Variants in MAGI2 observed in about 807,000 individuals in gnomAD.
MAGI2 encodes the protein membrane-associated guanylate kinase, WW and PDZ domain-containing protein 2.
A neutral mutation model predicts 133.3 loss-of-function variants in MAGI2; 35 were observed. That is an observed-to-expected ratio of 0.26 (90% CI 0.20 to 0.35). The LOEUF is 0.35. Among genes scored for constraint, MAGI2 ranks in the 10% least tolerant of loss-of-function variants. The pLI, the probability that MAGI2 is intolerant of heterozygous loss-of-function variation, is 1.00. For missense variants in MAGI2, 1,636 were observed against 1,863.4 expected, an observed-to-expected ratio of 0.88 and a Z score of 2.25; for synonymous variants, 729 against 710.6, an observed-to-expected ratio of 1.03 and a Z score of -0.41.
intron 9 of MAGI2, among the ~76,000 whole-genome samples, chr7:78,324,940 T>A (rs1377151680): frequency 2.0e-5 from 3 of 152,128 alleles, no homozygotes; most frequent in Admixed American, 6.6e-5. Context: ...TACTCCAGCC[T>A]GGGCGACAAG....
intron 9 of MAGI2, among the ~76,000 whole-genome samples, chr7:78,289,326 C>T (rs1796461057): frequency 6.6e-6 from 1 of 152,036 alleles, no homozygotes; most frequent in Non-Finnish European, 1.5e-5. Context: ...GCTTCAGTAG[C>T]TGATTCAGTC....
intron 21 of MAGI2, among the ~76,000 whole-genome samples, chr7:78,043,188 G>A (rs1294240377): frequency 6.6e-6 from 1 of 152,172 alleles, no homozygotes; most frequent in Non-Finnish European, 1.5e-5. Flanking sequence ...TATAGAGTGG[G>A]ATATTACTTT....
At chr7:78,778,358 G>A in intron 2 of MAGI2, among the ~76,000 whole-genome samples, 1 of 152,024 alleles carries the variant, frequency 6.6e-6, no homozygotes, top group East Asian at 1.9e-4. Context: ...AGTCCTTCCT[G>A]CTTTTGATTC....
At chr7:78,733,899 T>C (rs1041409461) in intron 2 of MAGI2, among the ~76,000 whole-genome samples, 25 of 152,192 alleles carry the variant, frequency 1.6e-4, no homozygotes, top group Non-Finnish European at 3.2e-4. Context: ...GCCCCAACTG[T>C]AATGGTCACA....
At chr7:78,667,546 C>T (rs1021156157) in intron 2 of MAGI2, among the ~76,000 whole-genome samples, 1 of 148,188 alleles carries the variant, frequency 6.7e-6, no homozygotes, top group African/African-American at 2.5e-5. Flanking sequence ...CCGCCTCCCC[C>T]CACCCCACAA....
At chr7:78,829,440 C>T (rs983185800) in intron 2 of MAGI2, among the ~76,000 whole-genome samples, 1 of 151,762 alleles carries the variant, frequency 6.6e-6, no homozygotes, top group Admixed American at 6.6e-5. Context: ...TTTCATGGCT[C>T]AATTAAAGAG....
chr7:78,083,387 GGAGAGAGAGAGAGAGAGA>G (rs747230358), intron 20 of MAGI2, among the ~76,000 whole-genome samples: 3 of 33,298 alleles, frequency 9.0e-5, no homozygotes, highest in African/African-American at 1.3e-4. Context: ...AGGGAGGGGG[GGAGAGAGAGAGAGAGAGA>G]GAGAGAGAGA....
intron 1 of MAGI2, among the ~76,000 whole-genome samples, chr7:79,047,178 C>A (rs1812248978): frequency 6.6e-6 from 1 of 152,132 alleles, no homozygotes; most frequent in East Asian, 1.9e-4. Flanking sequence ...TATTAGCCAG[C>A]AAGATGTGTT....
At chr7:78,583,269 C>T (rs1335536788) in intron 3 of MAGI2, among the ~76,000 whole-genome samples, 6 of 151,964 alleles carry the variant, frequency 3.9e-5, no homozygotes, top group Non-Finnish European at 7.4e-5. Flanking sequence ...GAGGCCGAGG[C>T]GGGCGGATCA....
At position 78,638,695 on chromosome 7, in the gene MAGI2, A is replaced by C. The variant is rs188204331; in HGVS notation, c.419-11456T>G. ...CAATAAAGTAGGGCAACCAACCATA[A>C]TTCCAAGATTCTTGACTTGACTATT... On this transcript the variant is annotated intron_variant, in intron 2 of 21. Coordinates refer to ENST00000354212, the MANE Select transcript of MAGI2 (RefSeq NM_012301.4). 3.9e-5 allele frequency among the ~76,000 whole-genome samples: 6 copies of C among 152,222 alleles called. No individual in the cohort carries two copies. In the East Asian group the frequency reaches 1.2e-3, roughly 29 times the overall value.
chr7:78,808,492 G>A (rs1237458938), intron 2 of MAGI2, among the ~76,000 whole-genome samples: 2 of 152,154 alleles, frequency 1.3e-5, no homozygotes, highest in Non-Finnish European at 2.9e-5. Flanking sequence ...TCTTGACCTC[G>A]TGATCCGCCC....
At chr7:78,373,489 T>C (rs1467923488) in intron 6 of MAGI2, among the ~76,000 whole-genome samples, 1 of 152,132 alleles carries the variant, frequency 6.6e-6, no homozygotes, top group African/African-American at 2.4e-5. Context: ...TTTTTGTAAT[T>C]TTTTAGAAGT....
rs367953155 is a variant in MAGI2, at chr7:79,324,661, A to ATG, written c.301+128358_301+128359insCA. Among the ~76,000 whole-genome samples the ATG allele has an allele frequency of 1.9e-3, 19 of 9,912 alleles. 3 individuals are homozygous for ATG. Among genetic ancestry groups the ATG allele is most frequent in the East Asian group, 0.012 (3 of 242 alleles). 6.5% of individuals were successfully genotyped at this position (9,912 alleles called of 152,430 possible). A position where few individuals can be genotyped will look rare whatever the true frequency, so the allele number is the denominator to read the frequency against. ...TATATAAAATATATATATATTATAT[A>ATG]TATATAAAATATATATATATTATAT... On this transcript the variant is annotated intron_variant, in intron 1 of 21. Coordinates refer to ENST00000354212, the MANE Select transcript of MAGI2 (RefSeq NM_012301.4).
At chr7:78,155,970 C>T (rs557999340) in intron 16 of MAGI2, among the ~76,000 whole-genome samples, 5 of 152,280 alleles carry the variant, frequency 3.3e-5, no homozygotes, top group South Asian at 4.1e-4. Context: ...AAGCTATGGA[C>T]GTATCTCCAT....
At chr7:79,186,389 T>C (rs547543728) in intron 1 of MAGI2, among the ~76,000 whole-genome samples, 9 of 149,584 alleles carry the variant, frequency 6.0e-5, no homozygotes, top group African/African-American at 2.2e-4. Context: ...TGTTTTTACT[T>C]GAAAGAAAAT....
chr7:78,470,445 A>G (rs938852696), intron 6 of MAGI2, among the ~76,000 whole-genome samples: 2 of 152,074 alleles, frequency 1.3e-5, no homozygotes, highest in Non-Finnish European at 2.9e-5. Context: ...TCCTTTATTT[A>G]GTGGTGGGGA....
chr7:79,106,342 T>C (rs1203922492), intron 1 of MAGI2, among the ~76,000 whole-genome samples: 1 of 152,184 alleles, frequency 6.6e-6, no homozygotes. Flanking sequence ...GAAGGAATTT[T>C]TGTGCATGTA....
At chr7:79,373,183 TA>T (rs1843163517) in intron 1 of MAGI2, among the ~76,000 whole-genome samples, 1 of 152,040 alleles carries the variant, frequency 6.6e-6, no homozygotes, top group Non-Finnish European at 1.5e-5. Flanking sequence ...TTTCTTTTTT[TA>T]ATAAGTGGTA....
chr7:79,244,350 C>T (rs1277578676), intron 1 of MAGI2, among the ~76,000 whole-genome samples: 3 of 152,176 alleles, frequency 2.0e-5, no homozygotes, highest in Non-Finnish European at 4.4e-5. Flanking sequence ...GCAAGAGGCA[C>T]AGAAGAGGGT....
Sources: gnomAD v4.1 joint callset for allele counts (sites outside exome capture counted in the v4.1 genomes callset) on GRCh38, gnomAD v4.1.1 for gene constraint, MANE v1.5 for transcripts, NCBI Gene and HGNC (gene_info 2026-07-23, HGNC 2026-07-21) for gene names.